Variants in CCSER1 observed in about 807,000 individuals in gnomAD.
CCSER1 encodes the protein serine-rich coiled-coil domain-containing protein 1.
CCSER1 carries 41 observed loss-of-function variants against 82.0 expected under a neutral mutation model. That is an observed-to-expected ratio of 0.50 (90% CI 0.39 to 0.65). The LOEUF (loss-of-function observed/expected upper bound fraction) is 0.65. CCSER1 is among the 30% of genes least tolerant of loss of function. CCSER1 has a pLI of 0.00. For missense variants in CCSER1, 1,119 were observed against 1,064.2 expected, an observed-to-expected ratio of 1.05 and a Z score of -0.72; for synonymous variants, 414 against 383.9, an observed-to-expected ratio of 1.08 and a Z score of -0.92.
intron 5 of CCSER1, among the ~76,000 whole-genome samples, chr4:90,581,068 A>G (rs1182391333): frequency 6.6e-6 from 1 of 152,176 alleles, no homozygotes; most frequent in Non-Finnish European, 1.5e-5. Context: ...AATAAATTGA[A>G]TAATATTTTT....
intron 9 of CCSER1, among the ~76,000 whole-genome samples, chr4:91,063,401 T>G (rs187413510): frequency 1.3e-5 from 2 of 152,290 alleles, no homozygotes; most frequent in Non-Finnish European, 2.9e-5. Context: ...TTATTGCAAT[T>G]ACTATTGTCA....
intron 1 of CCSER1, among the ~76,000 whole-genome samples, chr4:90,307,668 G>T (rs1391779784): frequency 6.6e-6 from 1 of 151,584 alleles, no homozygotes; most frequent in Non-Finnish European, 1.5e-5. Context: ...AAAAAGAGAA[G>T]AAAAAAAGTC....
intron 10 of CCSER1, among the ~76,000 whole-genome samples, chr4:91,128,325 A>C (rs1177118138): frequency 1.3e-5 from 2 of 151,958 alleles, no homozygotes; most frequent in African/African-American, 4.8e-5. Context: ...ATTACATTAA[A>C]TTTCATTCTC....
intron 5 of CCSER1, among the ~76,000 whole-genome samples, chr4:90,492,949 G>A (rs1359301853): frequency 6.6e-6 from 1 of 151,850 alleles, no homozygotes; most frequent in East Asian, 1.9e-4. Context: ...CTAGGCTTCA[G>A]AAGATCAAAC....
chr4:90,528,458 T>C (rs1052651662), intron 5 of CCSER1, among the ~76,000 whole-genome samples: 3 of 152,312 alleles, frequency 2.0e-5, no homozygotes, highest in African/African-American at 7.2e-5. Context: ...TTCTGGACTT[T>C]GTGTTCCAAT....
intron 9 of CCSER1, among the ~76,000 whole-genome samples, chr4:90,968,585 A>C (rs1317286463): frequency 6.6e-6 from 1 of 152,086 alleles, no homozygotes; most frequent in East Asian, 1.9e-4. Flanking sequence ...TACAATACTT[A>C]AACTTTTCCT....
intron 7 of CCSER1, among the ~76,000 whole-genome samples, chr4:90,734,061 G>A (rs1240704429): frequency 6.6e-6 from 1 of 151,372 alleles, no homozygotes; most frequent in Non-Finnish European, 1.5e-5. Context: ...ATATTTTTGT[G>A]AAAAACGTCA....
intron 9 of CCSER1, among the ~76,000 whole-genome samples, chr4:90,995,431 T>G (rs1398775696): frequency 6.6e-6 from 1 of 152,122 alleles, no homozygotes; most frequent in African/African-American, 2.4e-5. Context: ...AAAATGAAAC[T>G]GAAGAAAGAA....
intron 7 of CCSER1, among the ~76,000 whole-genome samples, chr4:90,765,875 T>C (rs1580366402): frequency 2.0e-5 from 3 of 152,308 alleles, no homozygotes; most frequent in South Asian, 2.1e-4. Flanking sequence ...CATATGTTAC[T>C]GAATAGGAGA....
chr4:91,599,300 T>C lies in CCSER1; in HGVS notation c.*243T>C, dbSNP rs1764727237. 1 of 396,058 alleles carries C rather than the reference T, an allele frequency of 2.5e-6. No homozygotes were observed. Among genetic ancestry groups the C allele is most frequent in the Non-Finnish European group, 4.5e-6 (1 of 221,788 alleles). 24.5% of individuals were successfully genotyped at this position (396,058 alleles called of 1,614,324 possible). On this transcript the variant is annotated 3_prime_UTR_variant, in exon 11 of 11. Coordinates refer to ENST00000509176, the MANE Select transcript of CCSER1 (RefSeq NM_001145065.2). ...TTGAAGACTTTACTATATAGGTGTA[T>C]AATAAATGGGACCATCATGATCGTT...
At chr4:91,440,488 A>G (rs958083003) in intron 10 of CCSER1, among the ~76,000 whole-genome samples, 2 of 152,244 alleles carry the variant, frequency 1.3e-5, no homozygotes, top group African/African-American at 2.4e-5. Flanking sequence ...AGGGAAATTT[A>G]TAGCACTAAA....
At chr4:90,732,620 A>G (rs1744954867) in intron 7 of CCSER1, among the ~76,000 whole-genome samples, 2 of 152,130 alleles carry the variant, frequency 1.3e-5, no homozygotes, top group African/African-American at 2.4e-5. Context: ...GGAAATCTTT[A>G]TATGTATGTA....
In CCSER1 at chr4:91,556,378, C is replaced by A. The variant is rs901610403; in HGVS notation, c.2218-42194C>A. On this transcript the variant is annotated intron_variant, in intron 10 of 10. Transcript: ENST00000509176. ...GGATTATTAATAAACTTAAAGAACA[C>A]AGTGGAAATTCTGGCCCAAGCATTC... Among the ~76,000 whole-genome samples, 25 of 150,792 alleles carry A rather than the reference C, an allele frequency of 1.7e-4. 1 individual carries two copies. In the South Asian group the frequency reaches 2.9e-3, roughly 18 times the overall value.
chr4:90,607,097 T>C (rs111332713), intron 5 of CCSER1, among the ~76,000 whole-genome samples: 2,497 of 152,226 alleles, frequency 0.016, 66 homozygotes, highest in African/African-American at 0.057. Flanking sequence ...TTACATATGG[T>C]TTTAGTTATG....
chr4:90,627,961 C>A, intron 5 of CCSER1, 64 bp from the exon 6 acceptor site: 1 of 1,256,304 alleles, frequency 8.0e-7, no homozygotes, highest in Non-Finnish European at 1.2e-6. Flanking sequence ...TGATTAACAA[C>A]TTGGGAAATA....
chr4:90,171,685 G>A (rs926785572), intron 1 of CCSER1, among the ~76,000 whole-genome samples: 1 of 151,824 alleles, frequency 6.6e-6, no homozygotes, highest in Non-Finnish European at 1.5e-5. Flanking sequence ...TCTTTACTTA[G>A]CAGCACAATG....
At chr4:91,434,436 A>G (rs1754522600) in intron 10 of CCSER1, among the ~76,000 whole-genome samples, 1 of 152,198 alleles carries the variant, frequency 6.6e-6, no homozygotes, top group Non-Finnish European at 1.5e-5. Context: ...AAAAACAGAT[A>G]TTATTTAGAA....
intron 9 of CCSER1, among the ~76,000 whole-genome samples, chr4:90,942,745 A>T (rs1731743920): frequency 6.6e-6 from 1 of 151,818 alleles, no homozygotes; most frequent in South Asian, 2.1e-4. Flanking sequence ...TAAAAATGGC[A>T]GGTGAATGCT....
At chr4:91,395,196 T>A (rs1297537672) in intron 10 of CCSER1, among the ~76,000 whole-genome samples, 1 of 152,076 alleles carries the variant, frequency 6.6e-6, no homozygotes, top group Non-Finnish European at 1.5e-5. Flanking sequence ...GCACTCTCCA[T>A]AAGACTGAGC....
Sources: allele counts gnomAD v4.1 joint callset (sites outside exome capture counted in the v4.1 genomes callset), GRCh38; gene constraint gnomAD v4.1.1; transcripts MANE v1.5; gene names NCBI Gene and HGNC (gene_info 2026-07-23, HGNC 2026-07-21).